Variants in OR5B3 observed in about 807,000 individuals in gnomAD.
OR5B3 encodes olfactory receptor 5B3.
For missense variants in OR5B3, 430 were observed against 375.4 expected, an observed-to-expected ratio of 1.15 and a Z score of -1.20; for synonymous variants, 150 against 135.0, an observed-to-expected ratio of 1.11 and a Z score of -0.77.
rs372105081 is a variant in OR5B3 at position 58,402,788 on chromosome 11, C to T, written c.622G>A (p.Ala208Thr). The change falls in exon 2 of 2, where the codon GCT (alanine) becomes ACT (threonine). Residue 208 changes from alanine (A) to threonine (T), a missense_variant. By Grantham distance (58) the Ala-to-Thr change is moderately conservative. Coordinates refer to ENST00000641865, the MANE Select transcript of OR5B3 (RefSeq NM_001005469.2). ...TAGGATATCAAGATAACCAGGAGAG[C>T]TATAAAGATATTGAAGCTCACAACA... ...IYVVSFNIFI[A>T]LLVILISYTF... 6.2e-7 allele frequency: 1 copy of T among 1,613,790 alleles called. No homozygotes were observed. Among genetic ancestry groups the T allele is most frequent in the Non-Finnish European group, 8.5e-7 (1 of 1,179,916 alleles).
chr11:58,406,410 A>G (rs1258740283), intron 1 of OR5B3, among the ~76,000 whole-genome samples: 1 of 152,188 alleles, frequency 6.6e-6, no homozygotes, highest in Non-Finnish European at 1.5e-5. Context: ...AAAAAAAGTT[A>G]AAACACAGGT....
chr11:58,403,909 T>C (rs1408945337), intron 1 of OR5B3, among the ~76,000 whole-genome samples: 1 of 152,234 alleles, frequency 6.6e-6, no homozygotes. Flanking sequence ...TTCATATTTA[T>C]ACAAGTATTA....
rs752400974 is a variant in OR5B3, at chr11:58,403,201, C to T, written c.209G>A (p.Cys70Tyr). The T allele has an allele frequency of 1.2e-6, 2 of 1,613,710 alleles. No homozygotes were observed. The highest frequency in any genetic ancestry group is 1.7e-6 in the Non-Finnish European group (2 of 1,179,800). ...GATGGGAGTGACAGCTGAAGAGTAG[C>T]AAAAGTCCACTAGAGACAAGTTACT... is the stretch of plus-strand genomic sequence containing the variant. ...FLSNLSLVDF[C>Y]YSSAVTPIVM... The change falls in exon 2 of 2, where the codon TGC (cysteine) becomes TAC (tyrosine). Residue 70 changes from cysteine (C) to tyrosine (Y), a missense_variant. Physicochemically the swap from Cys to Tyr is radical, Grantham distance 194. Coordinates refer to ENST00000641865, the MANE Select transcript of OR5B3 (RefSeq NM_001005469.2).
Sources: gnomAD v4.1 joint callset for allele counts (sites outside exome capture counted in the v4.1 genomes callset) on GRCh38, gnomAD v4.1.1 for gene constraint, MANE v1.5 for transcripts, NCBI Gene and HGNC (gene_info 2026-07-23, HGNC 2026-07-21) for gene names.